The following FMO5 variants were observed in gnomAD, a reference collection of about 807,000 sequenced individuals.
FMO5 encodes the protein flavin containing dimethylaniline monoxygenase 5.
Under a neutral mutation model 43.6 loss-of-function variants are expected in FMO5, and 51 were observed. The ratio of observed to expected loss-of-function variants is 1.17; its 90% CI spans 0.93 to 1.48. The LOEUF (loss-of-function observed/expected upper bound fraction) is 1.48. Ranked by LOEUF, FMO5 falls within the 40% of genes most tolerant of loss-of-function variation. The pLI is 0.00. For missense variants in FMO5, 644 were observed against 643.0 expected, an observed-to-expected ratio of 1.00 and a Z score of -0.02; for synonymous variants, 187 against 216.5, an observed-to-expected ratio of 0.86 and a Z score of 1.20.
intron 2 of FMO5, chr1:147,223,489 A>G (rs1206308293): frequency 6.6e-6 from 1 of 152,322 alleles, no homozygotes; most frequent in East Asian, 1.9e-4. Context: ...AGGGCACCTC[A>G]ATACTATTAA....
intron 7 of FMO5, among the ~76,000 whole-genome samples, chr1:147,199,778 T>C (rs1209032167): frequency 1.3e-5 from 2 of 152,222 alleles, no homozygotes; most frequent in Non-Finnish European, 2.9e-5. Flanking sequence ...CTGGAAGTAA[T>C]AGAAATTTGG....
chr1:147,203,262 A>G (rs1391633723), intron 6 of FMO5: 44 of 1,497,152 alleles, frequency 2.9e-5, no homozygotes, highest in African/African-American at 4.2e-5. Context: ...TACAGTAAAA[A>G]TTAAGCCAAT....
At chr1:147,204,463 A>C in intron 6 of FMO5, 1 of 1,394,276 alleles carries the variant, frequency 7.2e-7, no homozygotes, top group Non-Finnish European at 1.0e-6. Flanking sequence ...GACTTCATCA[A>C]CATCTCGAAG....
intron 8 of FMO5, among the ~76,000 whole-genome samples, chr1:147,188,740 T>A: frequency 6.7e-6 from 1 of 148,350 alleles, no homozygotes. Flanking sequence ...AATAAATAAA[T>A]AAATATTTAC....
intron 6 of FMO5, among the ~76,000 whole-genome samples, chr1:147,206,215 A>G (rs1486435340): frequency 1.3e-5 from 2 of 150,718 alleles, no homozygotes; most frequent in Non-Finnish European, 3.0e-5. Flanking sequence ...AACCACAATG[A>G]GTTACCATCT....
At chr1:147,190,512 A>C (rs1656509710) in intron 7 of FMO5, among the ~76,000 whole-genome samples, 1 of 152,074 alleles carries the variant, frequency 6.6e-6, no homozygotes, top group Non-Finnish European at 1.5e-5. Context: ...TCCCTAATGT[A>C]GTCTTTCAGT....
chr1:147,213,280 G>C (rs782658073), intron 4 of FMO5, 28 bp downstream of exon 4: 1 of 1,583,386 alleles, frequency 6.3e-7, no homozygotes, highest in Non-Finnish European at 8.6e-7. Context: ...CATGGGTCAA[G>C]GGTCTTCCTT....
Position 147,186,518 on chromosome 1 carries a change from T to G in FMO5, c.*382A>C, listed in dbSNP as rs1553917029. The G allele has an allele frequency of 1.0e-6, 1 of 994,844 alleles. No homozygotes were observed. The highest frequency in any genetic ancestry group is 1.2e-6 in the Non-Finnish European group (1 of 836,742). 61.6% of individuals were successfully genotyped at this position (994,844 alleles called of 1,614,324 possible). ...AAATCAAACCCTATCAGAAGAAGAG[T>G]TACGTGGAGTAAGCGATTTTATACC... On this transcript the variant is annotated 3_prime_UTR_variant, in exon 9 of 9. Transcript: ENST00000254090.
In FMO5 at chr1:147,225,328, T is replaced by C. The variant is rs1663858266; in HGVS notation, c.-79A>G. On this transcript the variant is annotated 5_prime_UTR_variant, in exon 1 of 9. Transcript: ENST00000254090. ...CTCAACAGATCCTTCAGCTGCGATC[T>C]GGAGGAGACTCAACAGGCGGCTGTT... The C allele has an allele frequency of 7.4e-6, 3 of 404,572 alleles. No individual in the cohort carries two copies. The highest frequency in any genetic ancestry group is 3.9e-5 in the Admixed American group (1 of 25,734). The allele number at this position is 404,572 out of a possible 1,614,324, so 25.1% of individuals were successfully genotyped here.
intron 2 of FMO5, among the ~76,000 whole-genome samples, chr1:147,219,922 C>T (rs945886541): frequency 1.3e-5 from 2 of 151,190 alleles, no homozygotes; most frequent in Admixed American, 6.6e-5. Flanking sequence ...CACCACAACC[C>T]CTGCCTCCCG....
intron 7 of FMO5, among the ~76,000 whole-genome samples, chr1:147,196,803 C>G (rs587642403): frequency 6.6e-6 from 1 of 152,058 alleles, no homozygotes; most frequent in Non-Finnish European, 1.5e-5. Context: ...TGAACAGATT[C>G]TTTTCTGTCT....
At chr1:147,205,824 C>A (rs1659901296) in intron 6 of FMO5, among the ~76,000 whole-genome samples, 1 of 152,092 alleles carries the variant, frequency 6.6e-6, no homozygotes. Flanking sequence ...TAGAAGAAAA[C>A]CTAGGCAATA....
chr1:147,193,017 G>T (rs1553918926), intron 7 of FMO5, among the ~76,000 whole-genome samples: 2 of 152,116 alleles, frequency 1.3e-5, no homozygotes, highest in Non-Finnish European at 2.9e-5. Flanking sequence ...GATGATGCTG[G>T]CCTCATAAAA....
chr1:147,225,512 C>A, upstream of FMO5: 1 of 160,276 alleles, frequency 6.2e-6, no homozygotes, highest in Admixed American at 5.9e-5. Flanking sequence ...CTGCTTTGGG[C>A]GAAAAAGTTA....
chr1:147,194,460 C>T (rs1657558365), intron 7 of FMO5, among the ~76,000 whole-genome samples: 3 of 152,066 alleles, frequency 2.0e-5, no homozygotes, highest in African/African-American at 7.3e-5. Flanking sequence ...ACTCTTTATC[C>T]AATTTGCCAG....
Position 147,219,840 on chromosome 1 carries a change from CT to C in FMO5, c.136-3899del, listed in dbSNP as rs71083821. On this transcript the variant is annotated intron_variant, in intron 2 of 8. Coordinates refer to ENST00000254090, the MANE Select transcript of FMO5 (RefSeq NM_001461.4). ...ATGGTTAACATACAAATGTTAATTGCTTTTTTTTTTTTTTTTGAGACAGAGT... is the reference window on the plus strand; with the variant it reads ...ATGGTTAACATACAAATGTTAATTGCTTTTTTTTTTTTTTTGAGACAGAGT... 1.1e-3 allele frequency among the ~76,000 whole-genome samples: 144 copies of C among 132,850 alleles called. 1 individual carries two copies. The highest frequency in any genetic ancestry group is 1.1e-3 in the Non-Finnish European group (67 of 63,204). 87.2% of individuals were successfully genotyped at this position (132,850 alleles called of 152,430 possible). A position where few individuals can be genotyped will look rare whatever the true frequency, so the allele number is the denominator to read the frequency against.
chr1:147,204,928 G>A lies in FMO5; in HGVS notation c.831-3424C>T, dbSNP rs1659706725. 3.2e-6 allele frequency: 5 copies of A among 1,552,652 alleles called. 1 individual carries two copies. Among genetic ancestry groups the A allele is most frequent in the East Asian group, 2.2e-5 (1 of 44,526 alleles). ...GCCCGGAGCCTTGGGAACTTGAAGC[G>A]CCATGGCCAGCCTGCAGGAAGCCGT... On this transcript the variant is annotated intron_variant, in intron 6 of 8. Coordinates refer to ENST00000254090, the MANE Select transcript of FMO5 (RefSeq NM_001461.4).
Position 147,190,266 on chromosome 1 carries a change from A to C in FMO5, c.1184-17T>G. On this transcript the variant is annotated splice_polypyrimidine_tract_variant and intron_variant, in intron 7 of 8. Coordinates refer to ENST00000254090, the MANE Select transcript of FMO5 (RefSeq NM_001461.4). ...TCTTTAGACCTAAAAACAAAAATTA[A>C]CATTTTAACTGTAAAATTACCTCAG... The C allele has an allele frequency of 6.7e-7, 1 of 1,481,854 alleles. No homozygotes were observed. The highest frequency in any genetic ancestry group is 9.4e-7 in the Non-Finnish European group (1 of 1,064,382). 91.8% of individuals were successfully genotyped at this position (1,481,854 alleles called of 1,614,324 possible). A position where few individuals can be genotyped will look rare whatever the true frequency, so the allele number is the denominator to read the frequency against.
At chr1:147,227,188 T>C (rs184955943), upstream of FMO5, among the ~76,000 whole-genome samples, 5 of 152,354 alleles carry the variant, frequency 3.3e-5, no homozygotes, top group Admixed American at 2.6e-4. Flanking sequence ...AATGTGAATT[T>C]ATACTAAAAT....
Sources: allele counts gnomAD v4.1 joint callset (sites outside exome capture counted in the v4.1 genomes callset), GRCh38; gene constraint gnomAD v4.1.1; transcripts MANE v1.5; gene names NCBI Gene and HGNC (gene_info 2026-07-23, HGNC 2026-07-21).